FBXO34: variants seen among roughly 807,000 people sequenced by gnomAD.
The protein encoded by FBXO34 is F-box only protein 34.
Under a neutral mutation model 24.5 loss-of-function variants are expected in FBXO34, and 12 were observed. That is an observed-to-expected ratio of 0.49 (90% CI 0.31 to 0.79). FBXO34 has a LOEUF of 0.79. FBXO34 is among the 30% of genes least tolerant of loss of function. The pLI, the probability that FBXO34 is intolerant of heterozygous loss-of-function variation, is 0.04. For missense variants in FBXO34, 823 were observed against 857.7 expected (o/e 0.96, Z 0.51); for synonymous variants, 320 against 311.9 (o/e 1.03, Z -0.27).
intron 1 of FBXO34, among the ~76,000 whole-genome samples, chr14:55,341,615 C>T (rs1292394358): frequency 1.3e-5 from 2 of 152,158 alleles, no homozygotes; most frequent in Non-Finnish European, 2.9e-5. Flanking sequence ...ATTAAATTTT[C>T]CTGGTAATGC....
At chr14:55,426,098 C>CAATAAAAAAAACCAA in the FBXO34 span, among the ~76,000 whole-genome samples, 1 of 151,964 alleles carries the variant, frequency 6.6e-6, no homozygotes, top group Non-Finnish European at 1.5e-5. Flanking sequence ...AAAACCTCGT[C>CAATAAAAAAAACCAA]TCTACTAAAA....
At chr14:55,433,670 TA>T in the FBXO34 span, 1 of 1,614,008 alleles carries the variant, frequency 6.2e-7, no homozygotes, top group African/African-American at 1.3e-5. Context: ...GAGCTAAATA[TA>T]AGGGCTGTTG....
chr14:55,286,584 CTG>C (rs1260765094), intron 1 of FBXO34, among the ~76,000 whole-genome samples: 2 of 152,160 alleles, frequency 1.3e-5, no homozygotes, highest in African/African-American at 2.4e-5. Context: ...ATACAGATAA[CTG>C]TATTGGAAAG....
chr14:55,351,776 G>A lies in FBXO34; in HGVS notation c.1386G>A (p.Lys462=), dbSNP rs754525465. 1 of 1,614,176 alleles carries A rather than the reference G, an allele frequency of 6.2e-7. No homozygotes were observed. The highest frequency in any genetic ancestry group is 1.1e-5 in the South Asian group (1 of 91,084). Residue 462 remains lysine, a synonymous_variant, in exon 2 of 2, where the codon AAG becomes AAA. Coordinates refer to ENST00000313833, the MANE Select transcript of FBXO34 (RefSeq NM_017943.4). ...TGTGCATTAGTATCACTGTGTCCAAGGTAGACAAAGACCAGCCTTCCATTT... is the reference window on the plus strand; with the variant it reads ...TGTGCATTAGTATCACTGTGTCCAAAGTAGACAAAGACCAGCCTTCCATTT... ...ESLCISITVS[K]VDKDQPSILN...
chr14:55,369,957 TAAC>T (rs749989220), downstream of FBXO34: 2 of 1,545,230 alleles, frequency 1.3e-6, no homozygotes, highest in Non-Finnish European at 1.7e-6. Context: ...CTCTTTAGGA[TAAC>T]AACCATTCTC....
intron 1 of FBXO34, among the ~76,000 whole-genome samples, chr14:55,323,026 A>AAAC: frequency 7.9e-6 from 1 of 126,428 alleles, no homozygotes; most frequent in Non-Finnish European, 1.7e-5. Context: ...ACAAAAAAAA[A>AAAC]AAAAAAAGCA....
chr14:55,411,429 C>A, the FBXO34 span, among the ~76,000 whole-genome samples: 1 of 152,236 alleles, frequency 6.6e-6, no homozygotes, highest in African/African-American at 2.4e-5. Context: ...CTGGCCCCTA[C>A]GCTGTCCTCT....
chr14:55,327,905 T>G lies in FBXO34; in HGVS notation c.-10-22476T>G, dbSNP rs1467059929. Among the ~76,000 whole-genome samples the G allele has an allele frequency of 6.6e-5, 9 of 136,374 alleles. No individual in the cohort carries two copies. In the East Asian group the frequency reaches 1.7e-3, roughly 26 times the overall value. The allele number at this position is 136,374 out of a possible 152,430, so 89.5% of individuals were successfully genotyped here. A position where few individuals can be genotyped will look rare whatever the true frequency, so the allele number is the denominator to read the frequency against. ...CGTCATATGATTTTCTTTGTTGTTG[T>G]TGGTTTTTTTTTTTTTTTTTTTTTT... On this transcript the variant is annotated intron_variant, in intron 1 of 1. Coordinates refer to ENST00000313833, the MANE Select transcript of FBXO34 (RefSeq NM_017943.4).
At chr14:55,287,414 T>TA in intron 1 of FBXO34, among the ~76,000 whole-genome samples, 1 of 152,162 alleles carries the variant, frequency 6.6e-6, no homozygotes, top group East Asian at 1.9e-4. Flanking sequence ...TTCTTATACT[T>TA]ATTCACACAT....
At chr14:55,391,272 A>C in the FBXO34 span, 8 of 239,712 alleles carry the variant, frequency 3.3e-5, no homozygotes, top group East Asian at 1.3e-4. Context: ...TTAGGAGATC[A>C]AGACCATCCT....
downstream of FBXO34, among the ~76,000 whole-genome samples, chr14:55,358,524 G>A (rs1411868443): frequency 6.6e-6 from 1 of 152,172 alleles, no homozygotes. Flanking sequence ...ACAAAGCTGG[G>A]GAAGGGCTGG....
At chr14:55,435,308 C>G in the FBXO34 span, among the ~76,000 whole-genome samples, 1 of 147,256 alleles carries the variant, frequency 6.8e-6, no homozygotes, top group Non-Finnish European at 1.5e-5. Flanking sequence ...GACGGAGTCT[C>G]GCTGTTACCC....
chr14:55,378,579 G>A, the FBXO34 span, among the ~76,000 whole-genome samples: 3 of 152,024 alleles, frequency 2.0e-5, no homozygotes, highest in African/African-American at 7.2e-5. Flanking sequence ...CTTTCCTTAG[G>A]GGTCCACACA....
chr14:55,435,906 A>G, the FBXO34 span: 2 of 1,584,316 alleles, frequency 1.3e-6, no homozygotes, highest in African/African-American at 1.4e-5. Flanking sequence ...TCCAACTTAC[A>G]GGCCAGGTTT....
At chr14:55,393,339 C>T in the FBXO34 span, among the ~76,000 whole-genome samples, 46 of 151,296 alleles carry the variant, frequency 3.0e-4, no homozygotes, top group African/African-American at 1.1e-3. Context: ...GAGCCGAGAT[C>T]GCGCCACTGC....
the FBXO34 span, chr14:55,411,667 C>A: frequency 6.2e-7 from 1 of 1,613,434 alleles, no homozygotes; most frequent in Non-Finnish European, 8.5e-7. Flanking sequence ...CGCAGGTCAG[C>A]CGCCGGCGGG....
At chr14:55,315,727 A>G (rs770747206) in intron 1 of FBXO34, among the ~76,000 whole-genome samples, 2 of 152,202 alleles carry the variant, frequency 1.3e-5, no homozygotes, top group Non-Finnish European at 2.9e-5. Flanking sequence ...GACCTAAGCC[A>G]TTCTGATTCC....
At chr14:55,297,609 A>G (rs1246616979) in intron 1 of FBXO34, among the ~76,000 whole-genome samples, 1 of 152,222 alleles carries the variant, frequency 6.6e-6, no homozygotes, top group Non-Finnish European at 1.5e-5. Context: ...GGAAATTTTG[A>G]TAGGATTAGG....
At chr14:55,440,499 G>C in the FBXO34 span, 25 of 1,612,050 alleles carry the variant, frequency 1.6e-5, no homozygotes, top group Middle Eastern at 1.7e-4. Context: ...GGGTAAGCGC[G>C]GAGCGAGCAG....
Sources: allele counts gnomAD v4.1 joint callset (sites outside exome capture counted in the v4.1 genomes callset), GRCh38; gene constraint gnomAD v4.1.1; transcripts MANE v1.5; gene names NCBI Gene and HGNC (gene_info 2026-07-23, HGNC 2026-07-21).